Variants in CFAP91 observed in about 807,000 individuals in gnomAD.
CFAP91 encodes the protein cilia- and flagella-associated protein 91.
CFAP91 carries 85 observed loss-of-function variants against 95.9 expected under a neutral mutation model. The observed-to-expected ratio is 0.89, with a 90% CI of 0.74 to 1.06. The LOEUF (loss-of-function observed/expected upper bound fraction) is 1.06. CFAP91 is among the 50% of genes least tolerant of loss of function. The probability of loss-of-function intolerance (pLI) is 0.00; values close to 1 mark genes in which losing one functional copy is unlikely to be tolerated. For synonymous variants in CFAP91, 335 were observed against 327.5 expected, an observed-to-expected ratio of 1.02 and a Z score of -0.25; for missense variants, 962 against 943.4, an observed-to-expected ratio of 1.02 and a Z score of -0.26.
intron 6 of CFAP91, among the ~76,000 whole-genome samples, chr3:119,717,833 A>AT (rs1281781055): frequency 1.3e-5 from 2 of 152,170 alleles, no homozygotes; most frequent in African/African-American, 4.8e-5. Context: ...AAACAGCAGC[A>AT]TATAGTATGC....
intron 8 of CFAP91, 89 bp from the exon 9 acceptor site, chr3:119,732,205 G>T: frequency 2.0e-6 from 2 of 1,000,346 alleles, no homozygotes; most frequent in Non-Finnish European, 2.9e-6. Context: ...TAGCTTCTCT[G>T]TGAATAACAC....
intron 7 of CFAP91, among the ~76,000 whole-genome samples, chr3:119,726,879 T>G (rs1464765952): frequency 7.0e-6 from 1 of 143,374 alleles, no homozygotes; most frequent in African/African-American, 2.6e-5. Context: ...TAGCTAGAGC[T>G]GATGGGGCAT....
At chr3:119,762,644 A>G (rs1400549236) in intron 17 of CFAP91, among the ~76,000 whole-genome samples, 2 of 152,078 alleles carry the variant, frequency 1.3e-5, no homozygotes, top group African/African-American at 2.4e-5. Context: ...GGAATGTAAT[A>G]GAGAGCCCAG....
chr3:119,731,164 G>A (rs1254325091), intron 8 of CFAP91, among the ~76,000 whole-genome samples: 1 of 152,166 alleles, frequency 6.6e-6, no homozygotes, highest in Non-Finnish European at 1.5e-5. Flanking sequence ...TTGAGCCCAG[G>A]AGCTCAAGGC....
chr3:119,734,651 T>G (rs915052030), intron 10 of CFAP91, among the ~76,000 whole-genome samples: 1 of 152,226 alleles, frequency 6.6e-6, no homozygotes, highest in Non-Finnish European at 1.5e-5. Context: ...CAGCTTATTT[T>G]CAATACCTTG....
At chr3:119,741,650 C>T (rs1186512021) in intron 13 of CFAP91, among the ~76,000 whole-genome samples, 3 of 152,156 alleles carry the variant, frequency 2.0e-5, no homozygotes, top group Non-Finnish European at 4.4e-5. Flanking sequence ...ACTCCCTCTC[C>T]CACTTTTCTG....
chr3:119,739,139 A>C (rs1242454978), intron 11 of CFAP91, 116 bp from the exon 12 acceptor site: 3 of 788,376 alleles, frequency 3.8e-6, no homozygotes, highest in Non-Finnish European at 6.7e-6. Context: ...ATTTCTCTTT[A>C]AATCTTTTTG....
chr3:119,706,576 G>A (rs368907476), intron 1 of CFAP91: 7 of 480,782 alleles, frequency 1.5e-5, no homozygotes, highest in South Asian at 6.0e-5. Context: ...TTCCACTTCC[G>A]TAAGCTGACT....
chr3:119,703,329 T>C, intron 1 of CFAP91, 107 bp downstream of exon 1: 1 of 1,505,314 alleles, frequency 6.6e-7, no homozygotes, highest in Non-Finnish European at 9.0e-7. Flanking sequence ...CACGACCCTC[T>C]GGACTGACCT....
rs527813051 is a variant in CFAP91, at chr3:119,728,855, C to G, written c.861-1365C>G. 3.3e-5 allele frequency among the ~76,000 whole-genome samples: 5 copies of G among 152,340 alleles called. No homozygotes were observed. In the East Asian group the frequency reaches 9.6e-4, roughly 29 times the overall value. ...TCCCCCTGCCCTATCCTTTCTTCTTCCACGAAGAGTTTTCACTCTTCTAGC... is the reference window on the plus strand; with the variant it reads ...TCCCCCTGCCCTATCCTTTCTTCTTGCACGAAGAGTTTTCACTCTTCTAGC... On this transcript the variant is annotated intron_variant, in intron 7 of 17. Transcript: ENST00000273390.
At chr3:119,737,791 C>T (rs2054039198) in intron 11 of CFAP91, among the ~76,000 whole-genome samples, 1 of 152,198 alleles carries the variant, frequency 6.6e-6, no homozygotes, top group African/African-American at 2.4e-5. Flanking sequence ...TGATCAGCTA[C>T]CATAGCTATC....
chr3:119,721,987 A>G lies in CFAP91; in HGVS notation c.683-4184A>G, dbSNP rs1306006175. On this transcript the variant is annotated intron_variant, in intron 6 of 17. Transcript: ENST00000273390. Reference sequence around the variant, plus strand: ...GGCCAGGAGTTTGAGACCAGCTTGGACAACATAGTAAGACCTCCATTTCTA... The same window carrying G: ...GGCCAGGAGTTTGAGACCAGCTTGGGCAACATAGTAAGACCTCCATTTCTA... Among the ~76,000 whole-genome samples, 3 of 152,008 alleles carry G rather than the reference A, an allele frequency of 2.0e-5. No individual in the cohort carries two copies. In the South Asian group the frequency reaches 6.2e-4, roughly 32 times the overall value.
intron 1 of CFAP91, chr3:119,705,949 C>A (rs957154523): frequency 6.6e-6 from 1 of 152,192 alleles, no homozygotes; most frequent in African/African-American, 2.4e-5. Flanking sequence ...TAGGAATTGA[C>A]ACACATTATC....
In CFAP91 at chr3:119,765,609, T is replaced by C. The variant is rs570897824; in HGVS notation, c.*559T>C. 6.6e-6 allele frequency: 1 copy of C among 152,326 alleles called. No homozygotes were observed. The highest frequency in any genetic ancestry group is 2.1e-4 in the South Asian group (1 of 4,824). The allele number at this position is 152,326 out of a possible 1,614,324, so 9.4% of individuals were successfully genotyped here. A position where few individuals can be genotyped will look rare whatever the true frequency, so the allele number is the denominator to read the frequency against. On this transcript the variant is annotated 3_prime_UTR_variant, in exon 18 of 18. Coordinates refer to ENST00000273390, the MANE Select transcript of CFAP91 (RefSeq NM_033364.4). The stretch of plus-strand genomic sequence containing the variant: ...ACAGAAAACTATACTTTGGTCTGCT[T>C]CTACAGTGGCACATCAACCCACCTT...
intron 8 of CFAP91, among the ~76,000 whole-genome samples, chr3:119,731,166 G>A (rs1056119457): frequency 6.6e-6 from 1 of 152,176 alleles, no homozygotes; most frequent in Admixed American, 6.5e-5. Context: ...GAGCCCAGGA[G>A]CTCAAGGCTA....
chr3:119,714,876 A>T (rs1577202890), intron 5 of CFAP91, among the ~76,000 whole-genome samples: 2 of 152,376 alleles, frequency 1.3e-5, no homozygotes, highest in Admixed American at 1.3e-4. Context: ...CGGCTTAAAA[A>T]GACCTTCACT....
chr3:119,719,075 AT>A (rs1419565454), intron 6 of CFAP91, among the ~76,000 whole-genome samples: 2 of 152,244 alleles, frequency 1.3e-5, no homozygotes, highest in Admixed American at 1.3e-4. Context: ...AATATAGTCT[AT>A]TCACATAATG....
chr3:119,730,524 G>T, intron 8 of CFAP91, 147 bp downstream of exon 8: 1 of 788,108 alleles, frequency 1.3e-6, no homozygotes, highest in East Asian at 2.8e-5. Flanking sequence ...ATTTCTTAAA[G>T]GTAGAAGAAT....
chr3:119,728,429 G>A (rs1282419382), intron 7 of CFAP91, among the ~76,000 whole-genome samples: 1 of 151,844 alleles, frequency 6.6e-6, no homozygotes, highest in Non-Finnish European at 1.5e-5. Flanking sequence ...TATTGTTAGA[G>A]CACTTCGTGT....
Sources: allele counts gnomAD v4.1 joint callset (sites outside exome capture counted in the v4.1 genomes callset), GRCh38; gene constraint gnomAD v4.1.1; transcripts MANE v1.5; gene names NCBI Gene and HGNC (gene_info 2026-07-23, HGNC 2026-07-21).